Variants in NDUFA9 observed in about 807,000 individuals in gnomAD.
NDUFA9 encodes NADH:ubiquinone oxidoreductase subunit A9.
NDUFA9 carries 23 observed loss-of-function variants against 45.9 expected under a neutral mutation model. The ratio of observed to expected loss-of-function variants is 0.50; its 90% CI spans 0.36 to 0.71. NDUFA9 has a LOEUF of 0.71. Among genes scored for constraint, NDUFA9 ranks in the 30% least tolerant of loss-of-function variants. The pLI, the probability that NDUFA9 is intolerant of heterozygous loss-of-function variation, is 0.00. For synonymous variants in NDUFA9, 176 were observed against 170.5 expected, an observed-to-expected ratio of 1.03 and a Z score of -0.25; for missense variants, 466 against 488.2, an observed-to-expected ratio of 0.95 and a Z score of 0.43.
At chr12:4,677,044 A>G (rs943025550) in intron 8 of NDUFA9, among the ~76,000 whole-genome samples, 1 of 152,212 alleles carries the variant, frequency 6.6e-6, no homozygotes. Flanking sequence ...AAAACAAGCA[A>G]TGAGGAAATG....
intron 8 of NDUFA9, among the ~76,000 whole-genome samples, chr12:4,674,958 A>G (rs544173326): frequency 2.0e-5 from 3 of 152,004 alleles, no homozygotes; most frequent in South Asian, 2.1e-4. Context: ...AACAGAAATC[A>G]TAACAGTCTC....
chr12:4,655,746 G>C (rs1945786172), intron 3 of NDUFA9: 1 of 152,198 alleles, frequency 6.6e-6, no homozygotes, highest in Non-Finnish European at 1.5e-5. Flanking sequence ...CTTTAGGGCA[G>C]TAGTTGCCAA....
At chr12:4,676,509 G>T (rs1303500201) in intron 8 of NDUFA9, among the ~76,000 whole-genome samples, 1 of 152,050 alleles carries the variant, frequency 6.6e-6, no homozygotes, top group Non-Finnish European at 1.5e-5. Context: ...GACAAACCAT[G>T]AGTGAACCAA....
At chr12:4,673,147 TAACA>T (rs1245944025) in intron 8 of NDUFA9, among the ~76,000 whole-genome samples, 5 of 152,068 alleles carry the variant, frequency 3.3e-5, no homozygotes, top group African/African-American at 4.8e-5. Context: ...GAAGGAAAAC[TAACA>T]AACAGAAAAG....
chr12:4,650,439 T>G (rs1175893505), intron 1 of NDUFA9, among the ~76,000 whole-genome samples: 1 of 152,234 alleles, frequency 6.6e-6, no homozygotes, highest in African/African-American at 2.4e-5. Context: ...ACCTGCTATC[T>G]GCAATCTCCA....
At position 4,690,714 on chromosome 12, in the gene NDUFA9, A is replaced by AAATAAT. The variant is rs554431022; in HGVS notation, c.*3624_*3629dup. The AAATAAT allele has an allele frequency of 1.2e-4, 18 of 151,722 alleles. No homozygotes were observed. In the East Asian group the frequency reaches 1.4e-3, roughly 11 times the overall value. 9.4% of individuals were successfully genotyped at this position (151,722 alleles called of 1,614,324 possible). On this transcript the variant is annotated 3_prime_UTR_variant, in exon 11 of 11. Transcript: ENST00000266544. ...GACAGAGGGAGACTCTGTCTAAAAT[A>AAATAAT]AATAATAATAATAATAATAATAAAG...
chr12:4,682,793 G>A (rs866536822), intron 9 of NDUFA9, among the ~76,000 whole-genome samples: 1 of 152,214 alleles, frequency 6.6e-6, no homozygotes, highest in Non-Finnish European at 1.5e-5. Flanking sequence ...TTGGCTGGGA[G>A]TGGTGGCTCA....
In NDUFA9 at chr12:4,688,075, T is replaced by G. The variant is rs1945998488; in HGVS notation, c.*967T>G. The G allele has an allele frequency of 6.6e-6, 1 of 152,262 alleles. No individual in the cohort carries two copies. The highest frequency in any genetic ancestry group is 6.5e-5 in the Admixed American group (1 of 15,276). The allele number at this position is 152,262 out of a possible 1,614,324, so 9.4% of individuals were successfully genotyped here. A position where few individuals can be genotyped will look rare whatever the true frequency, so the allele number is the denominator to read the frequency against. On this transcript the variant is annotated 3_prime_UTR_variant, in exon 11 of 11. Transcript: ENST00000266544. ...CAGTGTTGAAGGTAAGTTCTCCACC[T>G]GCCCTTTCTGCCTGCATCAGAATCT...
In NDUFA9 at chr12:4,654,413, T is replaced by A; in HGVS notation, c.171T>A (p.Thr57=). 3 of 1,614,192 alleles carry A rather than the reference T, an allele frequency of 1.9e-6. No individual in the cohort carries two copies. The highest frequency in any genetic ancestry group is 2.5e-6 in the Non-Finnish European group (3 of 1,180,012). ...CCTCAGTCAGTGGGATTGTGGCCAC[T>A]GTGTTTGGAGCAACAGGATTCCTGG... ...GRSSVSGIVA[T]VFGATGFLGR... is the part of the protein sequence containing the mutation. The change falls in exon 2 of 11, where the codon ACT becomes ACA. Residue 57 remains threonine (T), a synonymous_variant. Coordinates refer to ENST00000266544, the MANE Select transcript of NDUFA9 (RefSeq NM_005002.5).
chr12:4,670,811 T>C (rs1945881920), intron 8 of NDUFA9, among the ~76,000 whole-genome samples: 1 of 152,198 alleles, frequency 6.6e-6, no homozygotes, highest in East Asian at 1.9e-4. Context: ...AATACAGGTT[T>C]CATAAAATAC....
At chr12:4,669,087 G>A (rs1257958217) in intron 7 of NDUFA9, among the ~76,000 whole-genome samples, 3 of 152,174 alleles carry the variant, frequency 2.0e-5, no homozygotes, top group African/African-American at 4.8e-5. Flanking sequence ...ATTGAACCAA[G>A]TTTTCTCAGT....
chr12:4,649,723 G>A (rs1172919481), intron 1 of NDUFA9, among the ~76,000 whole-genome samples: 1 of 152,220 alleles, frequency 6.6e-6, no homozygotes, highest in East Asian at 1.9e-4. Context: ...GATGTAGAAT[G>A]TGTTCGGCAA....
chr12:4,659,210 C>T, intron 5 of NDUFA9, 33 bp downstream of exon 5: 1 of 1,572,636 alleles, frequency 6.4e-7, no homozygotes, highest in Non-Finnish European at 8.7e-7. Context: ...AAGTGGTTCA[C>T]AGAGCCAGAG....
chr12:4,650,668 C>T (rs1195931118), intron 1 of NDUFA9, among the ~76,000 whole-genome samples: 3 of 152,104 alleles, frequency 2.0e-5, no homozygotes, highest in East Asian at 3.9e-4. Flanking sequence ...TATTAAGTAT[C>T]ACAGGAAATC....
chr12:4,670,821 C>G (rs1945881951), intron 8 of NDUFA9, among the ~76,000 whole-genome samples: 1 of 152,156 alleles, frequency 6.6e-6, no homozygotes. Flanking sequence ...TCATAAAATA[C>G]TACACAAAAG....
At position 4,659,229 on chromosome 12, in the gene NDUFA9, G is replaced by A. The variant is rs1380205866; in HGVS notation, c.552+52G>A. 8 of 1,506,880 alleles carry A rather than the reference G, an allele frequency of 5.3e-6. No individual in the cohort carries two copies. In the African/African-American group the frequency reaches 5.6e-5, roughly 10 times the overall value. The allele number at this position is 1,506,880 out of a possible 1,614,324, so 93.3% of individuals were successfully genotyped here. On this transcript the variant is annotated intron_variant, in intron 5 of 10. Transcript: ENST00000266544. ...GGTTCACAGAGCCAGAGTTTCTTGG[G>A]CCATTTGAAACATGATTTCAGTGAG...
At chr12:4,669,663 CCTTT>C (rs907050014) in intron 7 of NDUFA9, 74 bp from the exon 8 acceptor site, 47 of 921,512 alleles carry the variant, frequency 5.1e-5, no homozygotes, top group Non-Finnish European at 7.4e-5. Flanking sequence ...TCTCTTCTTT[CCTTT>C]CTTTCTATCT....
Position 4,687,196 on chromosome 12 carries a change from C to T in NDUFA9, c.*88C>T. On this transcript the variant is annotated 3_prime_UTR_variant, in exon 11 of 11. Transcript: ENST00000266544. ...AGCCAGGCGGTCTCTTTAGAGGATC[C>T]TGTACACAGTTCCACTATTAAAACA... 1.6e-6 allele frequency: 2 copies of T among 1,249,808 alleles called. No individual in the cohort carries two copies. The highest frequency in any genetic ancestry group is 2.2e-6 in the Non-Finnish European group (2 of 906,374). The allele number at this position is 1,249,808 out of a possible 1,614,324, so 77.4% of individuals were successfully genotyped here.
At chr12:4,656,869 T>A (rs1364992717) in intron 3 of NDUFA9, among the ~76,000 whole-genome samples, 2 of 152,260 alleles carry the variant, frequency 1.3e-5, no homozygotes, top group Non-Finnish European at 2.9e-5. Flanking sequence ...CTGTTTAGAC[T>A]GTGTCTTTTA....
Sources: allele counts gnomAD v4.1 joint callset (sites outside exome capture counted in the v4.1 genomes callset), GRCh38; gene constraint gnomAD v4.1.1; transcripts MANE v1.5; gene names NCBI Gene and HGNC (gene_info 2026-07-23, HGNC 2026-07-21).